Variants in SLC45A3 observed in about 807,000 individuals in gnomAD.
SLC45A3 encodes solute carrier family 45 member 3, also known as prostate cancer associated protein 2.
A neutral mutation model predicts 35.3 loss-of-function variants in SLC45A3; 17 were observed. That is an observed-to-expected ratio of 0.48 (90% confidence interval 0.33 to 0.72). The LOEUF is 0.72. Ranked by LOEUF, SLC45A3 falls within the 30% of genes least tolerant of loss-of-function variation. SLC45A3 has a pLI of 0.02. For missense variants in SLC45A3, 597 were observed against 731.7 expected (o/e 0.82, Z 2.12); for synonymous variants, 288 against 334.3 (o/e 0.86, Z 1.51).
chr1:205,674,077 A>G (rs780581391), intron 1 of SLC45A3, among the ~76,000 whole-genome samples: 5 of 152,154 alleles, frequency 3.3e-5, no homozygotes, highest in Admixed American at 6.5e-5. Context: ...CACAAGTGTG[A>G]AGATACAAAT....
chr1:205,669,868 CCCA>C lies in SLC45A3; in HGVS notation c.-230-4985_-230-4983del, dbSNP rs769492603. Among the ~76,000 whole-genome samples the C allele has an allele frequency of 9.5e-4, 144 of 152,298 alleles. 2 individuals are homozygous for C. The highest frequency in any genetic ancestry group is 1.2e-3 in the Non-Finnish European group (79 of 68,026). On this transcript the variant is annotated intron_variant, in intron 1 of 4. Coordinates refer to ENST00000367145, the MANE Select transcript of SLC45A3 (RefSeq NM_033102.3). This position sits in a 1 kb window ranked among gnomAD's most constrained non-coding sequence, Gnocchi z 4.1. Reference sequence around the variant, plus strand: ...CTGGGCCAACCTCCCGGACACACACCCCACCAAGGCTGCCCTGCCCCAGGTCAG... The same window carrying C: ...CTGGGCCAACCTCCCGGACACACACCCCAAGGCTGCCCTGCCCCAGGTCAG...
rs1323771240 is a variant in SLC45A3, at chr1:205,669,688, C to T, written c.-230-4802G>A. The stretch of plus-strand genomic sequence containing the variant: ...TCAGCGACCCTGCGTGTTCCCTGCA[C>T]ACTCACAAAGACGCTCTGCTTTCTC... On this transcript the variant is annotated intron_variant, in intron 1 of 4. Coordinates refer to ENST00000367145, the MANE Select transcript of SLC45A3 (RefSeq NM_033102.3). The surrounding 1 kb of genome is among the most constrained non-coding windows in gnomAD (Gnocchi z 4.1). Among the ~76,000 whole-genome samples, 4 of 152,194 alleles carry T rather than the reference C, an allele frequency of 2.6e-5. No individual in the cohort carries two copies. Among genetic ancestry groups the T allele is most frequent in the East Asian group, 3.9e-4 (2 of 5,172 alleles).
chr1:205,658,586 CTG>C lies in SLC45A3; in HGVS notation c.*646_*647del. 1 of 233,230 alleles carries C rather than the reference CTG, an allele frequency of 4.3e-6. No homozygotes were observed. 14.4% of individuals were successfully genotyped at this position (233,230 alleles called of 1,614,324 possible). The stretch of plus-strand genomic sequence containing the variant: ...ATAAATAAGTTAAATATTTAAATGC[CTG>C]TGTCTCTGTGATGGCAACAGAAGGA... On this transcript the variant is annotated 3_prime_UTR_variant, in exon 5 of 5. Coordinates refer to ENST00000367145, the MANE Select transcript of SLC45A3 (RefSeq NM_033102.3).
chr1:205,671,215 C>T lies in SLC45A3; in HGVS notation c.-230-6329G>A, dbSNP rs1671210455. On this transcript the variant is annotated intron_variant, in intron 1 of 4. Coordinates refer to ENST00000367145, the MANE Select transcript of SLC45A3 (RefSeq NM_033102.3). ...CTAGGGCTGAAGCATGGGGACTCTCCCAAGGGTCACCTGGCAATCCCATGG... is the reference window on the plus strand; with the variant it reads ...CTAGGGCTGAAGCATGGGGACTCTCTCAAGGGTCACCTGGCAATCCCATGG... Among the ~76,000 whole-genome samples, 3 of 152,210 alleles carry T rather than the reference C, an allele frequency of 2.0e-5. No individual in the cohort carries two copies. In the South Asian group the frequency reaches 6.2e-4, roughly 32 times the overall value.
intron 1 of SLC45A3, among the ~76,000 whole-genome samples, chr1:205,674,464 G>A (rs1190434714): frequency 1.3e-5 from 2 of 151,696 alleles, no homozygotes; most frequent in Admixed American, 6.6e-5. Flanking sequence ...GCACGTGCCT[G>A]TAATCCCAGC....
Position 205,662,328 on chromosome 1 carries a change from G to A in SLC45A3, c.959-202C>T, listed in dbSNP as rs57847589. On this transcript the variant is annotated intron_variant, in intron 3 of 4. Coordinates refer to ENST00000367145, the MANE Select transcript of SLC45A3 (RefSeq NM_033102.3). This position sits in a 1 kb window ranked among gnomAD's most constrained non-coding sequence, Gnocchi z 6.2. ...CTGACCCTCAGAGAATGTGGGCAAC[G>A]CCCCTTGCTGAAGGCAGAGGAAGGT... The A allele has an allele frequency of 0.02, 28,391 of 1,418,184 alleles. 746 individuals carry two copies. Among genetic ancestry groups the A allele is most frequent in the African/African-American group, 0.11 (7,960 of 69,476 alleles). The allele number at this position is 1,418,184 out of a possible 1,614,324, so 87.9% of individuals were successfully genotyped here.
intron 1 of SLC45A3, among the ~76,000 whole-genome samples, chr1:205,668,502 C>T (rs1200023835): frequency 6.6e-6 from 1 of 152,144 alleles, no homozygotes; most frequent in African/African-American, 2.4e-5. Context: ...TGGAACCCCG[C>T]CTCCTGCCCC....
chr1:205,670,606 A>G (rs568916961), intron 1 of SLC45A3, among the ~76,000 whole-genome samples: 1 of 152,278 alleles, frequency 6.6e-6, no homozygotes, highest in East Asian at 1.9e-4. Context: ...AGGGATTTAG[A>G]GTTCGCCCTG....
At chr1:205,671,849 C>T (rs1671221558) in intron 1 of SLC45A3, among the ~76,000 whole-genome samples, 1 of 71,932 alleles carries the variant, frequency 1.4e-5, no homozygotes, top group Non-Finnish European at 4.2e-5. Flanking sequence ...CCCTGGGCAA[C>T]AGGGTGACTC....
chr1:205,675,864 C>T (rs1671305929), intron 1 of SLC45A3, among the ~76,000 whole-genome samples: 1 of 152,194 alleles, frequency 6.6e-6, no homozygotes, highest in Non-Finnish European at 1.5e-5. Flanking sequence ...TAAATCTCAA[C>T]TGCTCTAACC....
chr1:205,659,066 C>T lies in SLC45A3; in HGVS notation c.*168G>A, dbSNP rs533971332. On this transcript the variant is annotated 3_prime_UTR_variant, in exon 5 of 5. Coordinates refer to ENST00000367145, the MANE Select transcript of SLC45A3 (RefSeq NM_033102.3). This position sits in a 1 kb window ranked among gnomAD's most constrained non-coding sequence, Gnocchi z 5.8. ...AGAGAGGAGAGGGACGCCCCAGCCC[C>T]CAGCTGTGCAGCTACGCACCTCAGC... 80 of 695,498 alleles carry T rather than the reference C, an allele frequency of 1.2e-4. No individual in the cohort carries two copies. In the South Asian group the frequency reaches 1.4e-3, roughly 12 times the overall value. The allele number at this position is 695,498 out of a possible 1,614,324, so 43.1% of individuals were successfully genotyped here.
At chr1:205,672,198 C>G (rs543248899) in intron 1 of SLC45A3, among the ~76,000 whole-genome samples, 1 of 152,156 alleles carries the variant, frequency 6.6e-6, no homozygotes, top group South Asian at 2.1e-4. Flanking sequence ...ACTTTCTTCT[C>G]GGTTTCCATT....
At chr1:205,677,660 C>A (rs934383949) in intron 1 of SLC45A3, among the ~76,000 whole-genome samples, 20 of 152,154 alleles carry the variant, frequency 1.3e-4, no homozygotes, top group African/African-American at 4.8e-4. Flanking sequence ...AGGTCTAGAG[C>A]AGATTTTTGT....
Position 205,666,784 on chromosome 1 carries a change from T to C in SLC45A3, c.-230-1898A>G, listed in dbSNP as rs1397561644. On this transcript the variant is annotated intron_variant, in intron 1 of 4. Coordinates refer to ENST00000367145, the MANE Select transcript of SLC45A3 (RefSeq NM_033102.3). This position sits in a 1 kb window ranked among gnomAD's most constrained non-coding sequence, Gnocchi z 4.1. ...TCAGTCTTAGCTGAGCTGTCATAGG[T>C]TCAACTTGAGCATCTCATTGCTGCA... 2.6e-5 allele frequency among the ~76,000 whole-genome samples: 4 copies of C among 152,154 alleles called. No homozygotes were observed. The highest frequency in any genetic ancestry group is 9.7e-5 in the African/African-American group (4 of 41,424).
intron 4 of SLC45A3, among the ~76,000 whole-genome samples, chr1:205,660,424 G>A (rs1219966734): frequency 6.6e-6 from 1 of 152,146 alleles, no homozygotes; most frequent in Non-Finnish European, 1.5e-5. Context: ...TAAGGACAAG[G>A]CCAGGTCTTA....
intron 1 of SLC45A3, among the ~76,000 whole-genome samples, chr1:205,677,370 T>C (rs1217940943): frequency 1.3e-5 from 2 of 152,194 alleles, no homozygotes; most frequent in East Asian, 3.8e-4. Context: ...TTTCTAAGTG[T>C]AAACCACAAT....
Position 205,662,152 on chromosome 1 carries a change from C to CA in SLC45A3, c.959-27dup, listed in dbSNP as rs765021072. ...CTGCAGAGGGAGAGGGGCCATCAGA[C>CA]AGAGCCTGGGAGGGAAGGGTCGGAG... is the stretch of plus-strand genomic sequence containing the variant. On this transcript the variant is annotated intron_variant, in intron 3 of 4. Transcript: ENST00000367145. This position sits in a 1 kb window ranked among gnomAD's most constrained non-coding sequence, Gnocchi z 6.2. 5.6e-6 allele frequency: 9 copies of CA among 1,602,574 alleles called. No individual in the cohort carries two copies. Among genetic ancestry groups the CA allele is most frequent in the Non-Finnish European group, 7.7e-6 (9 of 1,173,356 alleles).
chr1:205,671,518 T>C (rs1671213534), intron 1 of SLC45A3, among the ~76,000 whole-genome samples: 1 of 152,228 alleles, frequency 6.6e-6, no homozygotes, highest in Non-Finnish European at 1.5e-5. Flanking sequence ...TATAATTGCA[T>C]GAGCCTGTAA....
At position 205,664,732 on chromosome 1, in the gene SLC45A3, G is replaced by T; in HGVS notation, c.-76C>A. 1 of 1,548,250 alleles carries T rather than the reference G, an allele frequency of 6.5e-7. No individual in the cohort carries two copies. Among genetic ancestry groups the T allele is most frequent in the Non-Finnish European group, 8.7e-7 (1 of 1,150,148 alleles). Reference sequence around the variant, plus strand: ...GCTTCGTCTCGGCTCTGCTCCAGAAGCTGCGGCCTCTCCTCCTTGCTGCCG... The same window carrying T: ...GCTTCGTCTCGGCTCTGCTCCAGAATCTGCGGCCTCTCCTCCTTGCTGCCG... On this transcript the variant is annotated 5_prime_UTR_variant, in exon 2 of 5. Coordinates refer to ENST00000367145, the MANE Select transcript of SLC45A3 (RefSeq NM_033102.3). The surrounding 1 kb of genome is among the most constrained non-coding windows in gnomAD (Gnocchi z 5.3).
Sources: gnomAD v4.1 joint callset for allele counts (sites outside exome capture counted in the v4.1 genomes callset) on GRCh38, gnomAD v4.1.1 for gene constraint, Gnocchi (gnomAD v3.1) non-coding constraint, MANE v1.5 for transcripts, NCBI Gene and HGNC (gene_info 2026-07-23, HGNC 2026-07-21) for gene names.